Variants in MCC observed in about 807,000 individuals in gnomAD.
MCC encodes the protein MCC regulator of Wnt signaling pathway, also known as colorectal mutant cancer protein.
In MCC, 90 loss-of-function variants were observed where a neutral mutation model predicts 116.2. The observed-to-expected ratio is 0.77, with a 90% CI of 0.65 to 0.92. The LOEUF (loss-of-function observed/expected upper bound fraction) is 0.92. MCC is among the 40% of genes least tolerant of loss of function. The pLI, the probability that MCC is intolerant of heterozygous loss-of-function variation, is 0.00. For synonymous variants in MCC, 578 were observed against 510.5 expected, an observed-to-expected ratio of 1.13 and a Z score of -1.78; for missense variants, 1,516 against 1,312.2, an observed-to-expected ratio of 1.16 and a Z score of -2.40.
At chr5:113,102,904 T>G (rs1561812502) in intron 7 of MCC, among the ~76,000 whole-genome samples, 1 of 151,956 alleles carries the variant, frequency 6.6e-6, no homozygotes, top group Non-Finnish European at 1.5e-5. Context: ...TCACCTGAGG[T>G]CAGGAGTTCA....
chr5:113,228,616 C>T (rs975038758), intron 3 of MCC, among the ~76,000 whole-genome samples: 1 of 151,966 alleles, frequency 6.6e-6, no homozygotes, highest in Non-Finnish European at 1.5e-5. Flanking sequence ...TCATACAGGG[C>T]CCACTTTCAG....
At chr5:113,376,395 T>G (rs967704872) in intron 2 of MCC, among the ~76,000 whole-genome samples, 4 of 152,204 alleles carry the variant, frequency 2.6e-5, no homozygotes, top group Admixed American at 1.3e-4. Flanking sequence ...GTAGAGAAGA[T>G]GGATATACAG....
At chr5:113,447,466 G>A (rs1458210464) in intron 1 of MCC, among the ~76,000 whole-genome samples, 3 of 152,054 alleles carry the variant, frequency 2.0e-5, no homozygotes, top group Non-Finnish European at 4.4e-5. Context: ...GATATTGGAA[G>A]AATCTCTCCC....
At chr5:113,132,429 T>TATATATATACACACATAC (rs1758503745) in intron 5 of MCC, among the ~76,000 whole-genome samples, 4 of 13,464 alleles carry the variant, frequency 3.0e-4, no homozygotes, top group African/African-American at 3.6e-4. Context: ...CACACATACA[T>TATATATATACACACATAC]ATATATATAT....
At chr5:113,256,172 C>T (rs560416305) in intron 3 of MCC, among the ~76,000 whole-genome samples, 316 of 152,264 alleles carry the variant, frequency 2.1e-3, no homozygotes, top group African/African-American at 7.2e-3. Flanking sequence ...CTGCACCAAC[C>T]CTATCTCTTT....
intron 5 of MCC, among the ~76,000 whole-genome samples, chr5:113,133,068 A>G (rs1345669469): frequency 6.6e-6 from 1 of 152,090 alleles, no homozygotes; most frequent in African/African-American, 2.4e-5. Context: ...TGACATTTTC[A>G]TACATTTATA....
At chr5:113,377,480 C>A (rs957483924) in intron 2 of MCC, among the ~76,000 whole-genome samples, 1 of 152,010 alleles carries the variant, frequency 6.6e-6, no homozygotes, top group African/African-American at 2.4e-5. Flanking sequence ...ATCATGAGTA[C>A]CTAGCAAAAA....
chr5:113,430,553 G>C (rs1770604395), intron 1 of MCC, among the ~76,000 whole-genome samples: 1 of 152,212 alleles, frequency 6.6e-6, no homozygotes, highest in African/African-American at 2.4e-5. Flanking sequence ...GCTAGACAGA[G>C]TAAACAGGAA....
intron 1 of MCC, among the ~76,000 whole-genome samples, chr5:113,408,480 C>CT (rs906832354): frequency 3.7e-4 from 56 of 152,308 alleles, no homozygotes; most frequent in African/African-American, 1.3e-3. Context: ...TCAGCCCAAT[C>CT]TTTACCTGAC....
chr5:113,063,940 C>CA, intron 14 of MCC, 44 bp downstream of exon 14: 2 of 1,568,918 alleles, frequency 1.3e-6, no homozygotes, highest in East Asian at 4.5e-5. Context: ...GAACAGATGC[C>CA]ATGTGGACAC....
At chr5:113,271,379 A>C (rs1214842020) in intron 3 of MCC, among the ~76,000 whole-genome samples, 3 of 152,230 alleles carry the variant, frequency 2.0e-5, no homozygotes, top group African/African-American at 2.4e-5. Context: ...GGAACCAGAA[A>C]ACAGATGAAA....
chr5:113,384,859 A>T, intron 2 of MCC, 109 bp downstream of exon 2: 3 of 1,302,462 alleles, frequency 2.3e-6, no homozygotes, highest in Non-Finnish European at 2.1e-6. Context: ...GGGCAGCCTC[A>T]GTATGAGCTG....
intron 3 of MCC, among the ~76,000 whole-genome samples, chr5:113,293,379 A>G (rs1173496129): frequency 1.3e-5 from 2 of 152,138 alleles, no homozygotes; most frequent in Non-Finnish European, 2.9e-5. Context: ...GCCATACTCA[A>G]GAAACACGGA....
intron 8 of MCC, among the ~76,000 whole-genome samples, chr5:113,098,066 G>T (rs1756145941): frequency 6.6e-6 from 1 of 152,222 alleles, no homozygotes; most frequent in Non-Finnish European, 1.5e-5. Flanking sequence ...GAAAATCTCA[G>T]AAGGAACTTA....
chr5:113,171,598 G>T (rs1013331025), intron 3 of MCC, among the ~76,000 whole-genome samples: 1 of 152,048 alleles, frequency 6.6e-6, no homozygotes, highest in African/African-American at 2.4e-5. Flanking sequence ...CAAGTGATCA[G>T]CCCATCTTGG....
intron 5 of MCC, among the ~76,000 whole-genome samples, chr5:113,136,523 AT>A (rs1037268155): frequency 3.3e-5 from 5 of 152,118 alleles, no homozygotes; most frequent in African/African-American, 1.2e-4. Flanking sequence ...ATCAAAATTT[AT>A]TTATTTATTT....
chr5:113,085,205 G>C lies in MCC; in HGVS notation c.1504C>G (p.Leu502Val), dbSNP rs2150244595. ...NRPINPSTGE[L>V]STSSSSNDIP... ...TCATTGCTGCTGCTGCTTGTGCTCA[G>C]CTCCCCAGTGCTGGGGTTAATCGGG... The change falls in exon 9 of 19, where the codon CTG becomes GTG. Residue 502 changes from leucine (L) to valine (V), a missense_variant. Coordinates refer to ENST00000408903, the MANE Select transcript of MCC (RefSeq NM_001085377.2). 1 of 1,614,192 alleles carries C rather than the reference G, an allele frequency of 6.2e-7. No homozygotes were observed. The highest frequency in any genetic ancestry group is 8.5e-7 in the Non-Finnish European group (1 of 1,180,032).
intron 3 of MCC, among the ~76,000 whole-genome samples, chr5:113,277,536 G>A (rs1045817549): frequency 6.6e-6 from 1 of 152,102 alleles, no homozygotes; most frequent in African/African-American, 2.4e-5. Flanking sequence ...AGGTGGAAAT[G>A]CTCATGTGAT....
chr5:113,047,779 A>G (rs1334858236), intron 16 of MCC, among the ~76,000 whole-genome samples: 2 of 151,902 alleles, frequency 1.3e-5, no homozygotes, highest in Non-Finnish European at 2.9e-5. Context: ...TTTTTTTCCC[A>G]ACACAGTATT....
Sources: gnomAD v4.1 joint callset for allele counts (sites outside exome capture counted in the v4.1 genomes callset) on GRCh38, gnomAD v4.1.1 for gene constraint, MANE v1.5 for transcripts, NCBI Gene and HGNC (gene_info 2026-07-23, HGNC 2026-07-21) for gene names.